THBS1: variants seen among roughly 807,000 people sequenced by gnomAD.
THBS1 encodes the protein thrombospondin 1.
Under a neutral mutation model 126.1 loss-of-function variants are expected in THBS1, and 29 were observed. The observed-to-expected ratio is 0.23, with a 90% CI of 0.17 to 0.31. THBS1 has a LOEUF of 0.31. Ranked by LOEUF, THBS1 falls within the 10% of genes least tolerant of loss-of-function variation. The pLI is 1.00. For synonymous variants in THBS1, 496 were observed against 577.8 expected, an observed-to-expected ratio of 0.86 and a Z score of 2.03; for missense variants, 1,198 against 1,545.2, an observed-to-expected ratio of 0.78 and a Z score of 3.77.
chr15:39,581,389 G>C (rs576795767), intron 1 of THBS1, among the ~76,000 whole-genome samples, 161 bp downstream of exon 1: 2 of 152,158 alleles, frequency 1.3e-5, no homozygotes, highest in Non-Finnish European at 2.9e-5. Flanking sequence ...TCAGGGCAAG[G>C]CTCCAGAGCC....
chr15:39,583,786 A>AT lies in THBS1; in HGVS notation c.703+96dup, dbSNP rs1246622558. On this transcript the variant is annotated intron_variant, in intron 4 of 21. Coordinates refer to ENST00000260356, the MANE Select transcript of THBS1 (RefSeq NM_003246.4). ...ATTTAGCAATAGTGGTTATACATAA[A>AT]TTACCCCCAGTGAGATCATCAAGAG... 3 of 1,391,986 alleles carry AT rather than the reference A, an allele frequency of 2.2e-6. No individual in the cohort carries two copies. The East Asian group carries it at 6.9e-5, about 32-fold the overall frequency. The allele number at this position is 1,391,986 out of a possible 1,614,324, so 86.2% of individuals were successfully genotyped here.
intron 16 of THBS1, 103 bp downstream of exon 16, chr15:39,591,726 C>A: frequency 9.3e-7 from 1 of 1,075,912 alleles, no homozygotes; most frequent in Non-Finnish European, 1.4e-6. Context: ...ACTTTCATTA[C>A]TGTGGCTCCC....
Position 39,596,062 on chromosome 15 carries a change from A to G in THBS1, c.*693A>G. The G allele has an allele frequency of 2.8e-6, 1 of 361,338 alleles. No individual in the cohort carries two copies. Among genetic ancestry groups the G allele is most frequent in the South Asian group, 2.1e-5 (1 of 47,660 alleles). 22.4% of individuals were successfully genotyped at this position (361,338 alleles called of 1,614,324 possible). A position where few individuals can be genotyped will look rare whatever the true frequency, so the allele number is the denominator to read the frequency against. On this transcript the variant is annotated 3_prime_UTR_variant, in exon 22 of 22. Transcript: ENST00000260356. ...ATCCCCACCCTTACTCATCACCTGCAGTGGCCAGAATTAGGGAATCAGAAT... is the reference window on the plus strand; with the variant it reads ...ATCCCCACCCTTACTCATCACCTGCGGTGGCCAGAATTAGGGAATCAGAAT...
At chr15:39,581,745 C>A in intron 1 of THBS1, 84 bp from the exon 2 acceptor site, 2 of 790,708 alleles carry the variant, frequency 2.5e-6, no homozygotes, top group East Asian at 5.2e-5. Context: ...CCGGCCCTGT[C>A]CCCATGCCCA....
chr15:39,585,510 T>C lies in THBS1; in HGVS notation c.1067T>C (p.Met356Thr), dbSNP rs200621279. 12 of 1,614,092 alleles carry C rather than the reference T, an allele frequency of 7.4e-6. No homozygotes were observed. The highest frequency in any genetic ancestry group is 8.5e-6 in the Non-Finnish European group (10 of 1,180,048). ...TICKKVSCPI[M>T]PCSNATVPDG... ...TGCAAAAAGGTGTCCTGCCCCATCA[T>C]GCCCTGCTCCAATGCCACAGTTCCT... The change falls in exon 7 of 22, where the codon ATG becomes ACG. Residue 356 changes from methionine (M) to threonine (T), a missense_variant. Transcript: ENST00000260356.
chr15:39,587,385 G>T lies in THBS1; in HGVS notation c.1159G>T (p.Glu387Ter). The change falls in exon 8 of 22, where the codon GAG becomes TAG. Residue 387 changes from glutamate (E) to a stop codon, truncating the protein, a stop_gained. Transcript: ENST00000260356. LOFTEE classifies it high-confidence loss of function. The stretch of plus-strand genomic sequence containing the variant: ...GGACGATGGCTGGTCTCCATGGTCC[G>T]AGTGGACCTCCTGTTCTACGAGCTG... ...SADDGWSPWS[E>*]WTSCSTSCGN... 6.2e-7 allele frequency: 1 copy of T among 1,613,874 alleles called. No individual in the cohort carries two copies. Among genetic ancestry groups the T allele is most frequent in the Non-Finnish European group, 8.5e-7 (1 of 1,179,990 alleles).
chr15:39,581,639 CCTCTCTCT>C (rs3138595), intron 1 of THBS1, 182 bp from the exon 2 acceptor site: 78 of 366,034 alleles, frequency 2.1e-4, no homozygotes, highest in Non-Finnish European at 2.7e-4. Context: ...CTTTCCTCCA[CCTCTCTCT>C]CTCTCTCTCT....
rs370418172 is a variant in THBS1 at position 39,589,288 on chromosome 15, C to T, written c.1860C>T (p.Cys620=). The part of the protein sequence containing the change: ...NTDPGYNCLP[C]PPRFTGSQPF... ...ACCCCGGCTACAACTGCCTGCCCTG[C>T]CCCCCACGCTTCACCGGCTCACAGC... Residue 620 remains cysteine (C), a synonymous_variant, in exon 12 of 22, where the codon TGC becomes TGT. Coordinates refer to ENST00000260356, the MANE Select transcript of THBS1 (RefSeq NM_003246.4). The surrounding 1 kb of genome is among the most constrained non-coding windows in gnomAD (Gnocchi z 4.7). 186 of 1,613,922 alleles carry T rather than the reference C, an allele frequency of 1.2e-4. No individual in the cohort carries two copies. The highest frequency in any genetic ancestry group is 1.5e-4 in the Non-Finnish European group (173 of 1,180,030).
Position 39,598,793 on chromosome 15 carries a change from A to C in THBS1, c.*3424A>C, listed in dbSNP as rs1381392578. On this transcript the variant is annotated 3_prime_UTR_variant, in exon 22 of 22. Transcript: ENST00000260356. ...GCAATAAACTCCAGGTCTTATAAGA[A>C]TGTACATACAATAAAGGTGGTGCCA... The C allele has an allele frequency of 5.9e-5, 9 of 152,124 alleles. No individual in the cohort carries two copies. The highest frequency in any genetic ancestry group is 5.9e-4 in the Admixed American group (9 of 15,278). The allele number at this position is 152,124 out of a possible 1,614,324, so 9.4% of individuals were successfully genotyped here. A position where few individuals can be genotyped will look rare whatever the true frequency, so the allele number is the denominator to read the frequency against.
rs763276673 is a variant in THBS1 at position 39,594,295 on chromosome 15, C to T, written c.3366-6C>T. On this transcript the variant is annotated splice_polypyrimidine_tract_variant and splice_region_variant and intron_variant, in intron 20 of 21. Transcript: ENST00000260356. This position sits in a 1 kb window ranked among gnomAD's most constrained non-coding sequence, Gnocchi z 4.4. ...TGTCACTAAACAAGATTTTTTTTCC[C>T]TGCAGAGTGGTGATGTATGAAGGGA... The T allele has an allele frequency of 6.2e-7, 1 of 1,613,558 alleles. No homozygotes were observed.
chr15:39,584,201 G>A lies in THBS1; in HGVS notation c.903+14G>A, dbSNP rs1279709656. On this transcript the variant is annotated intron_variant, in intron 5 of 21. Coordinates refer to ENST00000260356, the MANE Select transcript of THBS1 (RefSeq NM_003246.4). The stretch of plus-strand genomic sequence containing the variant: ...ATCCGCAAAGTGGTCAGTGGCCTCT[G>A]CACCCAGCCCGTTAGCATGAACCCT... 1 of 1,613,954 alleles carries A rather than the reference G, an allele frequency of 6.2e-7. No individual in the cohort carries two copies. The highest frequency in any genetic ancestry group is 8.5e-7 in the Non-Finnish European group (1 of 1,179,914).
intron 13 of THBS1, 106 bp from the exon 14 acceptor site, chr15:39,590,410 C>T (rs1350415334): frequency 1.3e-5 from 12 of 899,456 alleles, no homozygotes; most frequent in Non-Finnish European, 1.7e-6. Flanking sequence ...GTTACTGAGC[C>T]AAATTCTGTT....
rs765048719 is a variant in THBS1, at chr15:39,589,180, C to T, written c.1774-22C>T. ...ATGGCAGTGACTTCTAAACATGATG[C>T]ACGCTCTTATTTCCTCCATAGTGCA... On this transcript the variant is annotated intron_variant, in intron 11 of 21. Transcript: ENST00000260356. This position sits in a 1 kb window ranked among gnomAD's most constrained non-coding sequence, Gnocchi z 4.7. 1.7e-5 allele frequency: 28 copies of T among 1,613,796 alleles called. No individual in the cohort carries two copies. In the East Asian group the frequency reaches 6.2e-4, roughly 36 times the overall value.
In THBS1 at chr15:39,589,133, TA is replaced by T. The variant is rs750534645; in HGVS notation, c.1773+49del. On this transcript the variant is annotated intron_variant, in intron 11 of 21. Coordinates refer to ENST00000260356, the MANE Select transcript of THBS1 (RefSeq NM_003246.4). The surrounding 1 kb of genome is among the most constrained non-coding windows in gnomAD (Gnocchi z 4.7). ...GAGTTTCTGGATCTAGGAAAGCAGC[TA>T]ACCTGTGCAGTCGCTTCCTTATGGC... The T allele has an allele frequency of 6.2e-7, 1 of 1,612,864 alleles. No homozygotes were observed. The highest frequency in any genetic ancestry group is 2.2e-5 in the East Asian group (1 of 44,850).
rs1890163951 is a variant in THBS1 at position 39,584,086 on chromosome 15, G to A, written c.802G>A (p.Ala268Thr). 1.2e-6 allele frequency: 2 copies of A among 1,614,102 alleles called. No individual in the cohort carries two copies. Among genetic ancestry groups the A allele is most frequent in the South Asian group, 2.2e-5 (2 of 91,088 alleles). Residue 268 changes from alanine to threonine, a missense_variant, in exon 5 of 22, where the codon GCC becomes ACC. Physicochemically the swap from Ala to Thr is moderately conservative, Grantham distance 58 (BLOSUM62 0). This residue lies in a region of THBS1 where 663 missense variants were observed against 860.1 expected (regional missense o/e 0.77). Coordinates refer to ENST00000260356, the MANE Select transcript of THBS1 (RefSeq NM_003246.4). ...TGGCCACAAGACAAAGGACTTGCAA[G>A]CCATCTGCGGCATCTCCTGTGATGA... Reference protein sequence around the residue: ...YIGHKTKDLQAICGISCDELS... With the variant: ...YIGHKTKDLQTICGISCDELS...
At position 39,587,433 on chromosome 15, in the gene THBS1, G is replaced by A. The variant is rs1259296091; in HGVS notation, c.1207G>A (p.Gly403Ser). 5 of 1,613,806 alleles carry A rather than the reference G, an allele frequency of 3.1e-6. No homozygotes were observed. Among genetic ancestry groups the A allele is most frequent in the South Asian group, 1.1e-5 (1 of 91,084 alleles). ...TSCGNGIQQR[G>S]RSCDSLNNRC... The stretch of plus-strand genomic sequence containing the variant: ...CTGTGGCAATGGAATTCAGCAGCGC[G>A]GCCGCTCCTGCGATAGCCTCAACAA... Residue 403 changes from glycine to serine, a missense_variant, in exon 8 of 22, where the codon GGC (glycine) becomes AGC (serine). By Grantham distance (56) the Gly-to-Ser change is moderately conservative (BLOSUM62 0). Coordinates refer to ENST00000260356, the MANE Select transcript of THBS1 (RefSeq NM_003246.4).
intron 13 of THBS1, 130 bp downstream of exon 13, chr15:39,590,153 G>A: frequency 2.3e-6 from 2 of 883,112 alleles, no homozygotes; most frequent in Non-Finnish European, 3.3e-6. Context: ...AGGGAGAGGG[G>A]CACTAATTCC....
In THBS1 at chr15:39,593,561, A is replaced by T. The variant is rs1323125804; in HGVS notation, c.3160A>T (p.Arg1054Trp). 1 of 1,614,204 alleles carries T rather than the reference A, an allele frequency of 6.2e-7. No homozygotes were observed. The highest frequency in any genetic ancestry group is 1.3e-5 in the African/African-American group (1 of 75,038). Reference protein sequence around the residue: ...TQSYWDTNPTRAQGYSGLSVK... With the variant: ...TQSYWDTNPTWAQGYSGLSVK... ...GTCCTACTGGGACACCAACCCCACG[A>T]GGGCTCAGGGATACTCGGGCCTTTC... Residue 1054 changes from arginine (R) to tryptophan (W), a missense_variant, in exon 19 of 22, where the codon AGG becomes TGG. Physicochemically the swap from Arg to Trp is moderately radical, Grantham distance 101. Coordinates refer to ENST00000260356, the MANE Select transcript of THBS1 (RefSeq NM_003246.4). The surrounding 1 kb of genome is among the most constrained non-coding windows in gnomAD (Gnocchi z 5.9).
rs1345763399 is a variant in THBS1, at chr15:39,595,631, T to C, written c.*262T>C. 1.6e-6 allele frequency: 1 copy of C among 616,038 alleles called. No individual in the cohort carries two copies. Among genetic ancestry groups the C allele is most frequent in the Non-Finnish European group, 3.0e-6 (1 of 330,712 alleles). The allele number at this position is 616,038 out of a possible 1,614,324, so 38.2% of individuals were successfully genotyped here. On this transcript the variant is annotated 3_prime_UTR_variant, in exon 22 of 22. Transcript: ENST00000260356. ...GCTTTGGTTTCCTTTTGAAAAAGCATCTACTTGCTTCAGTTGGGAAGGTGC... is the reference window on the plus strand; with the variant it reads ...GCTTTGGTTTCCTTTTGAAAAAGCACCTACTTGCTTCAGTTGGGAAGGTGC...
Sources: gnomAD v4.1 joint callset for allele counts (sites outside exome capture counted in the v4.1 genomes callset) on GRCh38, gnomAD v4.1.1 for gene constraint, gnomAD v4.1.1 regional missense constraint, Gnocchi (gnomAD v3.1) non-coding constraint, MANE v1.5 for transcripts, NCBI Gene and HGNC (gene_info 2026-07-23, HGNC 2026-07-21) for gene names.